GPATCH8: variants seen among roughly 807,000 people sequenced by gnomAD.
GPATCH8 encodes the protein G patch domain-containing protein 8.
Under a neutral mutation model 118.3 loss-of-function variants are expected in GPATCH8, and 18 were observed. The observed-to-expected ratio is 0.15, with a 90% CI of 0.11 to 0.23. The LOEUF (loss-of-function observed/expected upper bound fraction) is 0.23. Among genes scored for constraint, GPATCH8 ranks in the 10% least tolerant of loss-of-function variants. GPATCH8 has a pLI of 1.00. For missense variants in GPATCH8, 1,631 were observed against 1,873.8 expected (o/e 0.87, Z 2.39); for synonymous variants, 659 against 684.7 (o/e 0.96, Z 0.59).
intron 1 of GPATCH8, among the ~76,000 whole-genome samples, chr17:44,502,811 T>C (rs950321968): frequency 2.6e-5 from 4 of 152,140 alleles, no homozygotes; most frequent in Non-Finnish European, 2.9e-5. Flanking sequence ...GAAGGCAACC[T>C]TTTCCCAGGT....
intron 5 of GPATCH8, among the ~76,000 whole-genome samples, chr17:44,428,139 T>C (rs2050155937): frequency 6.6e-6 from 1 of 151,140 alleles, no homozygotes; most frequent in African/African-American, 2.4e-5. Flanking sequence ...AAAAATTAGC[T>C]AGGCGTGGTG....
chr17:44,483,750 T>C (rs1278108488), intron 1 of GPATCH8, among the ~76,000 whole-genome samples: 2 of 152,088 alleles, frequency 1.3e-5, no homozygotes, highest in Admixed American at 1.3e-4. Flanking sequence ...CAAGTAATTC[T>C]TGTGCCTCGG....
At chr17:44,484,042 G>A (rs1430404334) in intron 1 of GPATCH8, among the ~76,000 whole-genome samples, 3 of 152,136 alleles carry the variant, frequency 2.0e-5, no homozygotes, top group Admixed American at 1.3e-4. Context: ...GGGTTTCACT[G>A]TGTTAGCCAG....
chr17:44,410,089 G>C (rs2049376585), intron 6 of GPATCH8, among the ~76,000 whole-genome samples: 1 of 152,108 alleles, frequency 6.6e-6, no homozygotes, highest in Non-Finnish European at 1.5e-5. Context: ...AAAGATACTG[G>C]CCAGAAACTT....
rs1251351326 is a variant in GPATCH8 at position 44,401,410 on chromosome 17, C to T, written c.667G>A (p.Val223Ile). Residue 223 changes from valine (V) to isoleucine (I), a missense_variant, in exon 8 of 8, where the codon GTA becomes ATA. Around this residue, in one of 8 missense-constraint regions of GPATCH8, gnomAD observed 405 missense variants for 462.7 expected, o/e 0.88. Coordinates refer to ENST00000591680, the MANE Select transcript of GPATCH8 (RefSeq NM_001002909.4). ...GPMFKPTTVA[V>I]DEEGGEDDKD... The stretch of plus-strand genomic sequence containing the variant: ...TCATCTTCTCCACCTTCTTCATCTA[C>T]AGCCACTGTGGTTGGTTTGAACATG... 14 of 1,613,308 alleles carry T rather than the reference C, an allele frequency of 8.7e-6. No homozygotes were observed. The highest frequency in any genetic ancestry group is 5.5e-5 in the South Asian group (5 of 91,066).
Position 44,397,350 on chromosome 17 carries a change from G to A in GPATCH8, c.*218C>T, listed in dbSNP as rs2143562477. ...CTAGCTTAGAAACACAGAAGAGGGAGGGACAAATTGAGAGGAGGACAGGAA... is the reference window on the plus strand; with the variant it reads ...CTAGCTTAGAAACACAGAAGAGGGAAGGACAAATTGAGAGGAGGACAGGAA... On this transcript the variant is annotated 3_prime_UTR_variant, in exon 8 of 8. Transcript: ENST00000591680. The A allele has an allele frequency of 4.4e-6, 3 of 682,490 alleles. No individual in the cohort carries two copies. The highest frequency in any genetic ancestry group is 1.5e-5 in the South Asian group (1 of 66,498). The allele number at this position is 682,490 out of a possible 1,614,324, so 42.3% of individuals were successfully genotyped here.
chr17:44,427,511 A>G lies in GPATCH8; in HGVS notation c.349-3019T>C, dbSNP rs75751158. Among the ~76,000 whole-genome samples the G allele has an allele frequency of 8.9e-3, 1,358 of 152,228 alleles. 24 individuals carry two copies. Among genetic ancestry groups the G allele is most frequent in the African/African-American group, 0.029 (1,222 of 41,552 alleles). ...AATAGGGCTATTAAAGTATATACAT[A>G]TAACTGTAACATATACATATAACTA... On this transcript the variant is annotated intron_variant, in intron 5 of 7. Coordinates refer to ENST00000591680, the MANE Select transcript of GPATCH8 (RefSeq NM_001002909.4).
At position 44,453,500 on chromosome 17, in the gene GPATCH8, G is replaced by GGTGTGTGTGTGT. The variant is rs56962134; in HGVS notation, c.193+10960_193+10971dup. The stretch of plus-strand genomic sequence containing the variant: ...AGTTGTAGGTAGGTAGGTAGGTAGG[G>GGTGTGTGTGTGT]GTGTGTGTGTGTGTGTGTGTGTGTG... On this transcript the variant is annotated intron_variant, in intron 3 of 7. Transcript: ENST00000591680. 2.7e-3 allele frequency among the ~76,000 whole-genome samples: 379 copies of GGTGTGTGTGTGT among 142,754 alleles called. 8 individuals carry two copies. The highest frequency in any genetic ancestry group is 9.6e-3 in the African/African-American group (356 of 36,914). The allele number at this position is 142,754 out of a possible 152,430, so 93.7% of individuals were successfully genotyped here. A position where few individuals can be genotyped will look rare whatever the true frequency, so the allele number is the denominator to read the frequency against.
rs898271287 is a variant in GPATCH8, at chr17:44,442,697, T to G, written c.194-6152A>C. On this transcript the variant is annotated intron_variant, in intron 3 of 7. Transcript: ENST00000591680. The stretch of plus-strand genomic sequence containing the variant: ...TCAGGCTGGTCTCAAACTCCTGGGC[T>G]TGAGTGATCTGCTCACCTCAGCCTC... Among the ~76,000 whole-genome samples the G allele has an allele frequency of 3.3e-5, 5 of 152,232 alleles. No homozygotes were observed. In the South Asian group the frequency reaches 1.0e-3, roughly 32 times the overall value.
intron 4 of GPATCH8, among the ~76,000 whole-genome samples, chr17:44,435,587 T>C (rs1421020241): frequency 2.0e-5 from 3 of 150,384 alleles, no homozygotes; most frequent in African/African-American, 7.3e-5. Flanking sequence ...CTAATTTTTT[T>C]TGTATTTTCA....
intron 3 of GPATCH8, among the ~76,000 whole-genome samples, chr17:44,450,236 C>A (rs2051063772): frequency 6.6e-6 from 1 of 152,130 alleles, no homozygotes; most frequent in Non-Finnish European, 1.5e-5. Flanking sequence ...AGACTTCAAG[C>A]CAACATTTAT....
intron 3 of GPATCH8, 116 bp downstream of exon 3, chr17:44,464,356 A>C (rs2051678006): frequency 1.3e-6 from 1 of 776,024 alleles, no homozygotes; most frequent in Non-Finnish European, 2.4e-6. Flanking sequence ...TAAGGGGAAA[A>C]AGGTAGTAGG....
chr17:44,503,263 G>T, intron 1 of GPATCH8, 63 bp downstream of exon 1: 1 of 1,398,344 alleles, frequency 7.2e-7, no homozygotes, highest in Non-Finnish European at 1.0e-6. Flanking sequence ...GGGAGCCGGA[G>T]ATGAAGGAGG....
intron 1 of GPATCH8, among the ~76,000 whole-genome samples, chr17:44,493,862 G>C (rs1055036502): frequency 1.3e-5 from 2 of 152,116 alleles, no homozygotes; most frequent in African/African-American, 2.4e-5. Context: ...TTACTTCACT[G>C]AATTATTAGA....
intron 3 of GPATCH8, 158 bp from the exon 4 acceptor site, chr17:44,436,703 G>T (rs2050525681): frequency 1.5e-6 from 1 of 688,602 alleles, no homozygotes; most frequent in African/African-American, 1.8e-5. Flanking sequence ...TTACACTCAA[G>T]ACCTTCCTTT....
At chr17:44,440,560 G>C (rs919143290) in intron 3 of GPATCH8, among the ~76,000 whole-genome samples, 32 of 152,240 alleles carry the variant, frequency 2.1e-4, no homozygotes, top group African/African-American at 7.0e-4. Context: ...AGTGTGAGCT[G>C]CACATCAGCC....
chr17:44,500,380 CCT>C (rs1299879841), intron 1 of GPATCH8, among the ~76,000 whole-genome samples: 2 of 152,194 alleles, frequency 1.3e-5, no homozygotes, highest in South Asian at 4.2e-4. Context: ...TGGAATAGGA[CCT>C]GTTTGTTATT....
At chr17:44,436,007 C>A in intron 4 of GPATCH8, among the ~76,000 whole-genome samples, 1 of 92,448 alleles carries the variant, frequency 1.1e-5, no homozygotes, top group Non-Finnish European at 2.0e-5. Flanking sequence ...CTAGCCTGGG[C>A]AACAAGAGCG....
intron 1 of GPATCH8, among the ~76,000 whole-genome samples, chr17:44,478,843 A>T (rs2144400185): frequency 6.6e-6 from 1 of 152,146 alleles, no homozygotes; most frequent in East Asian, 1.9e-4. Flanking sequence ...GGCTCAAGTA[A>T]TCCTCCCACC....
Sources: gnomAD v4.1 joint callset for allele counts (sites outside exome capture counted in the v4.1 genomes callset) on GRCh38, gnomAD v4.1.1 for gene constraint, gnomAD v4.1.1 regional missense constraint, MANE v1.5 for transcripts, NCBI Gene and HGNC (gene_info 2026-07-23, HGNC 2026-07-21) for gene names.